Variants in COL4A6 observed in about 807,000 individuals in gnomAD.
COL4A6 encodes collagen type IV alpha 6 chain, also known as collagen alpha-6(IV) chain.
A neutral mutation model predicts 126.7 loss-of-function variants in COL4A6; 59 were observed. That is an observed-to-expected ratio of 0.47 (90% CI 0.38 to 0.58). The LOEUF is 0.58. Among genes scored for constraint, COL4A6 ranks in the 20% least tolerant of loss-of-function variants. The pLI is 0.00. For synonymous variants in COL4A6, 547 were observed against 496.6 expected (o/e 1.10, Z -1.35); for missense variants, 1,285 against 1,337.3 (o/e 0.96, Z 0.61).
chrX:108,284,315 TG>T (rs1481815640), intron 3 of COL4A6, among the ~76,000 whole-genome samples: 25 of 21,500 alleles, frequency 1.2e-3, no homozygotes, highest in African/African-American at 4.9e-3. Flanking sequence ...TGTCGGGGGC[TG>T]GGGGGCTGGG....
At chrX:108,365,469 C>T (rs1343823968) in intron 2 of COL4A6, among the ~76,000 whole-genome samples, 1 of 111,667 alleles carries the variant, frequency 9.0e-6, no homozygotes, top group Non-Finnish European at 1.9e-5. Context: ...GTGGCTTAAA[C>T]ACAGAAGACC....
chrX:108,278,368 A>G (rs376556590), intron 3 of COL4A6, among the ~76,000 whole-genome samples: 1 of 112,349 alleles, frequency 8.9e-6, no homozygotes, highest in African/African-American at 3.2e-5. Context: ...GAGCCGATGC[A>G]ATCAACTGGA....
At chrX:108,220,659 G>A (rs151165586) in intron 4 of COL4A6, among the ~76,000 whole-genome samples, 3,848 of 112,134 alleles carry the variant, frequency 0.034, 168 homozygotes, top group African/African-American at 0.12. Context: ...TTGGACTTCC[G>A]GTCCATGTAC....
At chrX:108,352,313 C>G in intron 2 of COL4A6, among the ~76,000 whole-genome samples, 1 of 112,600 alleles carries the variant, frequency 8.9e-6, no homozygotes, top group Non-Finnish European at 1.9e-5. Flanking sequence ...TAGCAAAGTC[C>G]TCCCCTCAAA....
chrX:108,290,307 C>CTTGA (rs2038126257), intron 3 of COL4A6, among the ~76,000 whole-genome samples: 1 of 112,031 alleles, frequency 8.9e-6, no homozygotes, highest in Non-Finnish European at 1.9e-5. Context: ...GAAAAGAGGG[C>CTTGA]TTGACCAGGA....
intron 9 of COL4A6, among the ~76,000 whole-genome samples, chrX:108,205,926 A>G (rs956950395): frequency 3.6e-5 from 4 of 111,370 alleles, no homozygotes; most frequent in Non-Finnish European, 3.8e-5. Context: ...CATTCCTCCC[A>G]ACAGGCCAGA....
intron 16 of COL4A6, among the ~76,000 whole-genome samples, chrX:108,194,089 A>T: frequency 8.9e-6 from 1 of 112,667 alleles, no homozygotes; most frequent in East Asian, 2.8e-4. Context: ...GGATGATGTC[A>T]GGCAGAGGAA....
At position 108,214,134 on chromosome X, in the gene COL4A6, T is replaced by G; in HGVS notation, c.419A>C (p.Tyr140Ser). The G allele has an allele frequency of 8.3e-7, 1 of 1,208,171 alleles. No homozygotes were observed. The highest frequency in any genetic ancestry group is 1.1e-6 in the Non-Finnish European group (1 of 893,014). The change falls in exon 6 of 45, where the codon TAT becomes TCT. Residue 140 changes from tyrosine (Y) to serine (S), a missense_variant. Physicochemically the swap from Tyr to Ser is moderately radical, Grantham distance 144. Transcript: ENST00000334504. ...GAVGFPGPDG[Y>S]PGLLGPPGLP... is the part of the protein sequence containing the mutation. ...TACGGGTGGTCCGAGAAGCCCAGGA[T>G]AGCCATCAGGGCCTGGAAATCCAAC...
chrX:108,298,334 G>A (rs2038384430), intron 3 of COL4A6, among the ~76,000 whole-genome samples: 1 of 112,904 alleles, frequency 8.9e-6, no homozygotes, highest in South Asian at 3.7e-4. Context: ...TCTGGCTCTG[G>A]CCGTGGCCTG....
chrX:108,178,975 G>T, intron 26 of COL4A6, 130 bp from the exon 27 acceptor site: 1 of 811,635 alleles, frequency 1.2e-6, no homozygotes, highest in Non-Finnish European at 1.7e-6. Context: ...ATTCCCAGCC[G>T]TAACCCAGTC....
At chrX:108,424,621 A>G (rs754539888) in intron 2 of COL4A6, among the ~76,000 whole-genome samples, 1 of 111,730 alleles carries the variant, frequency 9.0e-6, no homozygotes, top group African/African-American at 3.3e-5. Context: ...TTAATGACTG[A>G]TTACCATATG....
chrX:108,334,796 C>T (rs866073588), intron 2 of COL4A6, among the ~76,000 whole-genome samples: 5 of 111,393 alleles, frequency 4.5e-5, no homozygotes, highest in African/African-American at 9.8e-5. Context: ...TCTTCTGAGC[C>T]CCAGTTTCTG....
intron 3 of COL4A6, among the ~76,000 whole-genome samples, chrX:108,229,293 C>T (rs1207915293): frequency 8.9e-6 from 1 of 112,188 alleles, no homozygotes; most frequent in Non-Finnish European, 1.9e-5. Context: ...TCTTCACCAC[C>T]GTAGGACTTT....
intron 3 of COL4A6, among the ~76,000 whole-genome samples, chrX:108,241,095 A>G (rs2036559873): frequency 9.0e-6 from 1 of 110,943 alleles, no homozygotes; most frequent in African/African-American, 3.3e-5. Context: ...GGGCCCCTAT[A>G]AATATCATAT....
chrX:108,272,893 C>CTGTAT (rs953195810), intron 3 of COL4A6, among the ~76,000 whole-genome samples: 6 of 109,315 alleles, frequency 5.5e-5, no homozygotes, highest in African/African-American at 2.0e-4. Context: ...TTCTAGGTGT[C>CTGTAT]TGTATTTTAT....
intron 2 of COL4A6, among the ~76,000 whole-genome samples, chrX:108,323,861 C>T (rs989178112): frequency 2.7e-5 from 3 of 111,822 alleles, no homozygotes; most frequent in African/African-American, 9.7e-5. Context: ...AATAAAAATA[C>T]TCAAAATTAT....
At chrX:108,354,865 T>C (rs897929727) in intron 2 of COL4A6, among the ~76,000 whole-genome samples, 2 of 110,920 alleles carry the variant, frequency 1.8e-5, no homozygotes, top group Non-Finnish European at 3.8e-5. Flanking sequence ...AGACAATCTC[T>C]TATTAGGTGA....
At chrX:108,157,358 A>G in intron 44 of COL4A6, 98 bp from the exon 45 acceptor site, 1 of 1,088,998 alleles carries the variant, frequency 9.2e-7, no homozygotes, top group Non-Finnish European at 1.2e-6. Context: ...CATGAGCTCC[A>G]TTCCTAAGCC....
chrX:108,427,544 T>C (rs776154673), intron 2 of COL4A6, among the ~76,000 whole-genome samples: 8 of 111,513 alleles, frequency 7.2e-5, no homozygotes, highest in South Asian at 3.8e-4. Flanking sequence ...TAAGCCAACA[T>C]CACAAGTATA....
Sources: gnomAD v4.1 joint callset for allele counts (sites outside exome capture counted in the v4.1 genomes callset) on GRCh38, gnomAD v4.1.1 for gene constraint, MANE v1.5 for transcripts, NCBI Gene and HGNC (gene_info 2026-07-23, HGNC 2026-07-21) for gene names.